CFAP74: variants seen among roughly 807,000 people sequenced by gnomAD.
CFAP74 encodes cilia and flagella associated protein 74, also known as cilia- and flagella-associated protein 74.
CFAP74 carries 124 observed loss-of-function variants against 188.9 expected under a neutral mutation model. That is an observed-to-expected ratio of 0.66 (90% CI 0.57 to 0.76). The LOEUF is 0.76. CFAP74 is among the 30% of genes least tolerant of loss of function. The probability of loss-of-function intolerance (pLI) is 0.00; values close to 1 mark genes in which losing one functional copy is unlikely to be tolerated. For synonymous variants in CFAP74, 956 were observed against 916.7 expected (o/e 1.04, Z -0.77); for missense variants, 2,198 against 2,165.2 (o/e 1.02, Z -0.30).
chr1:1,985,248 C>A (rs745914608), intron 6 of CFAP74, 138 bp downstream of exon 6: 1 of 676,034 alleles, frequency 1.5e-6, no homozygotes, highest in African/African-American at 1.8e-5. Context: ...CTGCATTCAC[C>A]GAGTCCCCTT....
At chr1:1,999,972 T>C (rs1249958843) in intron 1 of CFAP74, among the ~76,000 whole-genome samples, 1 of 152,148 alleles carries the variant, frequency 6.6e-6, no homozygotes, top group Non-Finnish European at 1.5e-5. Flanking sequence ...AAGACCATCC[T>C]GGCTAACACG....
intron 20 of CFAP74, 83 bp from the exon 21 acceptor site, chr1:1,944,535 G>A (rs1333995738): frequency 2.4e-5 from 35 of 1,434,876 alleles, no homozygotes; most frequent in Non-Finnish European, 3.1e-5. Flanking sequence ...CAGCTCCCAG[G>A]AGGAACGTTT....
Position 1,922,183 on chromosome 1 carries a change from G to A in CFAP74, c.*104C>T. On this transcript the variant is annotated 3_prime_UTR_variant, in exon 39 of 39. Coordinates refer to ENST00000682832, the MANE Select transcript of CFAP74 (RefSeq NM_001304360.2). ...GAGGGCGGCCTATTGGAATCTGGCA[G>A]AGGATGGCCAGGTCCCAGGCTCTAG... The A allele has an allele frequency of 2.3e-6, 2 of 863,744 alleles. No individual in the cohort carries two copies. The highest frequency in any genetic ancestry group is 3.7e-6 in the Non-Finnish European group (2 of 538,210). 53.5% of individuals were successfully genotyped at this position (863,744 alleles called of 1,614,324 possible).
chr1:1,974,173 G>A lies in CFAP74; in HGVS notation c.526C>T (p.Gln176Ter). Residue 176 changes from glutamine (Q) to a stop codon, truncating the protein, a stop_gained, in exon 7 of 39, where the codon CAG becomes TAG. Transcript: ENST00000682832. LOFTEE classifies it high-confidence loss of function. Reference sequence around the variant, plus strand: ...CGGAAGGCCTCGAGTCGCCCCTCCTGGATCTCGATGTGCCACATGGTGTTC... The same window carrying A: ...CGGAAGGCCTCGAGTCGCCCCTCCTAGATCTCGATGTGCCACATGGTGTTC... ...SENTMWHIEI[Q>*]EGRLEAFRTA... The A allele has an allele frequency of 6.2e-7, 1 of 1,608,348 alleles. No homozygotes were observed.
In CFAP74 at chr1:1,923,035, G is replaced by A. The variant is rs761016408; in HGVS notation, c.4633C>T (p.Arg1545Ter). ...CGGATACAGCCCACCTGCAGCTCTC[G>A]GGTGGCAGGTGGGGCTGGCGTGTCT... ...DTDTPAPPAT[R>*]ELQVGCIRTT... The change falls in exon 37 of 39, where the codon CGA becomes TGA. Residue 1545 changes from arginine (R) to a stop codon, truncating the protein, a stop_gained. Coordinates refer to ENST00000682832, the MANE Select transcript of CFAP74 (RefSeq NM_001304360.2). LOFTEE classifies it high-confidence loss of function. The surrounding 1 kb of genome is among the most constrained non-coding windows in gnomAD (Gnocchi z 6.3). The A allele has an allele frequency of 8.7e-6, 14 of 1,606,830 alleles. No individual in the cohort carries two copies. Among genetic ancestry groups the A allele is most frequent in the East Asian group, 2.2e-5 (1 of 44,808 alleles).
At position 1,922,261 on chromosome 1, in the gene CFAP74, G is replaced by T; in HGVS notation, c.*26C>A. On this transcript the variant is annotated 3_prime_UTR_variant, in exon 39 of 39. Transcript: ENST00000682832. Reference sequence around the variant, plus strand: ...GGAGGGCTTTGAGGGTGGACAGGAGGGCCCGAGGGTGCTCTGTGCAGAGGC... The same window carrying T: ...GGAGGGCTTTGAGGGTGGACAGGAGTGCCCGAGGGTGCTCTGTGCAGAGGC... 6.4e-7 allele frequency: 1 copy of T among 1,573,872 alleles called. No individual in the cohort carries two copies. The highest frequency in any genetic ancestry group is 8.7e-7 in the Non-Finnish European group (1 of 1,147,762).
At chr1:1,986,866 T>G (rs1307283801) in intron 5 of CFAP74, 71 bp downstream of exon 5, 3 of 1,334,106 alleles carry the variant, frequency 2.2e-6, no homozygotes, top group Non-Finnish European at 2.1e-6. Flanking sequence ...ACGCCTCACT[T>G]TGGGTGAACC....
chr1:1,974,353 CCAGA>C (rs1401113965), intron 6 of CFAP74, among the ~76,000 whole-genome samples, 155 bp from the exon 7 acceptor site: 8 of 152,166 alleles, frequency 5.3e-5, no homozygotes, highest in African/African-American at 1.9e-4. Flanking sequence ...TCTGAGTCAC[CCAGA>C]CACTGAGGCC....
intron 11 of CFAP74, among the ~76,000 whole-genome samples, chr1:1,966,774 G>C (rs1352692955): frequency 6.6e-6 from 1 of 151,808 alleles, no homozygotes. Context: ...CCTTTGATAG[G>C]AAAATGTTCT....
At chr1:1,928,000 G>A (rs1221773537) in intron 27 of CFAP74, 19 of 510,828 alleles carry the variant, frequency 3.7e-5, no homozygotes, top group South Asian at 3.1e-4. Context: ...GTGAGGAGGC[G>A]GCCAGAACCG....
intron 6 of CFAP74, among the ~76,000 whole-genome samples, chr1:1,977,809 C>T (rs1305116722): frequency 6.6e-6 from 1 of 152,170 alleles, no homozygotes; most frequent in Non-Finnish European, 1.5e-5. Context: ...AGAAGGAATC[C>T]AAATGTTTGG....
chr1:1,969,758 A>AG (rs964559646), intron 10 of CFAP74, among the ~76,000 whole-genome samples: 6 of 152,152 alleles, frequency 3.9e-5, no homozygotes, highest in Non-Finnish European at 4.4e-5. Flanking sequence ...ATCGTGACTC[A>AG]GGGGGGTGGG....
chr1:2,000,301 G>T (rs573766561), intron 1 of CFAP74, among the ~76,000 whole-genome samples: 38 of 152,358 alleles, frequency 2.5e-4, no homozygotes, highest in African/African-American at 8.7e-4. Context: ...GGCAAAAGAC[G>T]TCAACAGGCA....
chr1:1,936,495 G>A (rs2102041631), intron 25 of CFAP74, among the ~76,000 whole-genome samples: 1 of 152,140 alleles, frequency 6.6e-6, no homozygotes. Context: ...AGTGAGCCGA[G>A]ATCATGCCAC....
rs1655622680 is a variant in CFAP74, at chr1:1,968,246, TC to T, written c.1245+388del. 6.6e-6 allele frequency among the ~76,000 whole-genome samples: 1 copy of T among 152,114 alleles called. No individual in the cohort carries two copies. Among genetic ancestry groups the T allele is most frequent in the South Asian group, 2.1e-4 (1 of 4,828 alleles). ...TCAGGAGTGCTTTGTAGCAGGGTGA[TC>T]CCAGGCATGTGGTCTGAACGGCTGT... On this transcript the variant is annotated intron_variant, in intron 11 of 38. Coordinates refer to ENST00000682832, the MANE Select transcript of CFAP74 (RefSeq NM_001304360.2). This position sits in a 1 kb window ranked among gnomAD's most constrained non-coding sequence, Gnocchi z 4.3.
intron 17 of CFAP74, 84 bp from the exon 18 acceptor site, chr1:1,955,934 G>A: frequency 6.6e-7 from 1 of 1,507,074 alleles, no homozygotes; most frequent in Non-Finnish European, 8.8e-7. Flanking sequence ...ATGAGGACAG[G>A]CCGTGTTGGG....
At chr1:1,960,180 G>A in intron 14 of CFAP74, 150 bp from the exon 15 acceptor site, 2 of 654,580 alleles carry the variant, frequency 3.1e-6, no homozygotes, top group Non-Finnish European at 2.6e-6. Flanking sequence ...CCCGGGGAGT[G>A]CTGGATCTGC....
Position 1,971,970 on chromosome 1 carries a change from G to A in CFAP74, c.888+10C>T, listed in dbSNP as rs751713181. The A allele has an allele frequency of 1.0e-5, 16 of 1,601,850 alleles. No individual in the cohort carries two copies. The highest frequency in any genetic ancestry group is 5.3e-5 in the African/African-American group (4 of 74,832). On this transcript the variant is annotated intron_variant, in intron 9 of 38. Transcript: ENST00000682832. ...CAAGGGAGAGGCTGGGTGGGGCTGC[G>A]GGGGCCTACCCGGTTCGCGGAGATG...
chr1:1,969,874 C>T (rs557392543), intron 10 of CFAP74, among the ~76,000 whole-genome samples: 14 of 152,318 alleles, frequency 9.2e-5, no homozygotes, highest in South Asian at 2.1e-4. Flanking sequence ...TGGCCAGGGC[C>T]GTGGACAGGG....
Sources: gnomAD v4.1 joint callset for allele counts (sites outside exome capture counted in the v4.1 genomes callset) on GRCh38, gnomAD v4.1.1 for gene constraint, Gnocchi (gnomAD v3.1) non-coding constraint, MANE v1.5 for transcripts, NCBI Gene and HGNC (gene_info 2026-07-23, HGNC 2026-07-21) for gene names.